FER: variants seen among roughly 807,000 people sequenced by gnomAD.
FER encodes FER tyrosine kinase.
In FER, 63 loss-of-function variants were observed where a neutral mutation model predicts 111.0. The ratio of observed to expected loss-of-function variants is 0.57; its 90% CI spans 0.46 to 0.70. FER has a LOEUF of 0.70. Among genes scored for constraint, FER ranks in the 30% least tolerant of loss-of-function variants. The pLI is 0.00. For synonymous variants in FER, 327 were observed against 313.9 expected, an observed-to-expected ratio of 1.04 and a Z score of -0.44; for missense variants, 914 against 954.0, an observed-to-expected ratio of 0.96 and a Z score of 0.55.
rs116679153 is a variant in FER, at chr5:108,832,440, C to T, written c.208-330C>T. ...GAAGACCATAGTGGGACATTAGAAT[C>T]ATGTGGCAGAGCAGTATTTCAGTGT... On this transcript the variant is annotated intron_variant, in intron 3 of 19. Transcript: ENST00000281092. 5.6e-3 allele frequency among the ~76,000 whole-genome samples: 855 copies of T among 152,188 alleles called. 5 individuals carry two copies. The highest frequency in any genetic ancestry group is 0.01 in the Admixed American group (154 of 15,284).
intron 10 of FER, among the ~76,000 whole-genome samples, chr5:108,919,664 A>G (rs1752774407): frequency 6.6e-6 from 1 of 152,186 alleles, no homozygotes; most frequent in Non-Finnish European, 1.5e-5. Flanking sequence ...AGCCTTTCAG[A>G]CAAGAACATT....
intron 17 of FER, among the ~76,000 whole-genome samples, chr5:109,170,833 G>T (rs114925729): frequency 6.6e-6 from 1 of 152,280 alleles, no homozygotes; most frequent in African/African-American, 2.4e-5. Flanking sequence ...AACATGGAAA[G>T]CTCTTTGCCA....
intron 3 of FER, among the ~76,000 whole-genome samples, chr5:108,809,424 G>C (rs535068880): frequency 1.3e-5 from 2 of 152,150 alleles, no homozygotes; most frequent in Admixed American, 6.5e-5. Context: ...CATAAGCTCT[G>C]ACTGATTTCT....
intron 17 of FER, among the ~76,000 whole-genome samples, chr5:109,117,806 G>A (rs1750436871): frequency 6.6e-6 from 1 of 151,366 alleles, no homozygotes; most frequent in Admixed American, 6.6e-5. Flanking sequence ...TTGGCTCTCT[G>A]TTTGTCTGTT....
At chr5:109,066,227 G>A (rs1775074793) in intron 16 of FER, among the ~76,000 whole-genome samples, 1 of 152,102 alleles carries the variant, frequency 6.6e-6, no homozygotes, top group African/African-American at 2.4e-5. Flanking sequence ...CCAGCAAGTG[G>A]TTGAATCTCT....
chr5:108,772,389 G>A (rs1463527790), intron 2 of FER, among the ~76,000 whole-genome samples: 2 of 114,056 alleles, frequency 1.8e-5, no homozygotes, highest in Non-Finnish European at 3.9e-5. Context: ...CAGGTTTCAT[G>A]TATTGCATTT....
At chr5:109,032,252 G>A (rs1322275595) in intron 13 of FER, among the ~76,000 whole-genome samples, 3 of 152,144 alleles carry the variant, frequency 2.0e-5, no homozygotes, top group Non-Finnish European at 4.4e-5. Context: ...GAGAGCTAAT[G>A]TTGGTGGGAC....
At chr5:108,760,385 A>G (rs1373814487) in intron 1 of FER, among the ~76,000 whole-genome samples, 1 of 152,238 alleles carries the variant, frequency 6.6e-6, no homozygotes, top group African/African-American at 2.4e-5. Context: ...AACAAGAGTC[A>G]GTCTGTCCTT....
At chr5:109,043,459 G>T (rs895559206) in intron 14 of FER, among the ~76,000 whole-genome samples, 4 of 152,012 alleles carry the variant, frequency 2.6e-5, no homozygotes, top group Admixed American at 6.5e-5. Flanking sequence ...TTGACTATTA[G>T]ATTAAATGGT....
At chr5:108,813,091 T>C (rs1221859688) in intron 3 of FER, among the ~76,000 whole-genome samples, 2 of 152,134 alleles carry the variant, frequency 1.3e-5, no homozygotes, top group African/African-American at 2.4e-5. Flanking sequence ...ACATTTCTTA[T>C]AGTGCAAGTC....
chr5:108,854,476 A>G (rs1167428106), intron 5 of FER, among the ~76,000 whole-genome samples: 1 of 152,258 alleles, frequency 6.6e-6, no homozygotes. Context: ...AACCTCAGCT[A>G]AGAACCTGTG....
intron 13 of FER, among the ~76,000 whole-genome samples, chr5:109,021,780 A>G (rs893598183): frequency 6.6e-6 from 1 of 152,128 alleles, no homozygotes; most frequent in Non-Finnish European, 1.5e-5. Context: ...TTTATGAAAC[A>G]TGACGTTGTG....
rs575342884 is a variant in FER, at chr5:109,165,687, G to C, written c.2049-15060G>C. 1.1e-3 allele frequency among the ~76,000 whole-genome samples: 160 copies of C among 151,982 alleles called. 1 individual carries two copies. The highest frequency in any genetic ancestry group is 1.9e-3 in the Non-Finnish European group (129 of 68,010). ...CTCAGTCTTATGTACATATTGAGCA[G>C]AGTTGGGGAAAATCTATGACTATTC... On this transcript the variant is annotated intron_variant, in intron 17 of 19. Transcript: ENST00000281092.
intron 10 of FER, among the ~76,000 whole-genome samples, chr5:108,899,230 A>G (rs953003840): frequency 1.3e-5 from 2 of 151,928 alleles, no homozygotes; most frequent in African/African-American, 4.8e-5. Context: ...GAGCCATATT[A>G]ATCTACACAT....
chr5:109,051,473 A>T (rs959599716), intron 16 of FER: 1 of 1,612,828 alleles, frequency 6.2e-7, no homozygotes, highest in Non-Finnish European at 8.5e-7. Context: ...TGTGCGTGGG[A>T]GTTAGAGATG....
intron 17 of FER, among the ~76,000 whole-genome samples, chr5:109,118,224 G>C (rs969363931): frequency 2.6e-5 from 4 of 152,170 alleles, no homozygotes; most frequent in African/African-American, 9.7e-5. Flanking sequence ...AAGCGTTGTT[G>C]AATTTTGTCA....
intron 5 of FER, among the ~76,000 whole-genome samples, chr5:108,848,478 T>C (rs999476154): frequency 6.6e-6 from 1 of 152,162 alleles, no homozygotes; most frequent in South Asian, 2.1e-4. Flanking sequence ...ATTTGTTAGC[T>C]CTAATGTTTT....
intron 17 of FER, among the ~76,000 whole-genome samples, chr5:109,123,030 A>G (rs1326802009): frequency 3.3e-5 from 5 of 151,292 alleles, no homozygotes; most frequent in East Asian, 1.9e-4. Context: ...CAGCCACTCT[A>G]TACGTTTTGA....
chr5:108,810,671 A>G (rs1249935431), intron 3 of FER, among the ~76,000 whole-genome samples: 1 of 152,190 alleles, frequency 6.6e-6, no homozygotes, highest in African/African-American at 2.4e-5. Context: ...GGGGCAGGTC[A>G]GGTTGCTGAT....
Sources: allele counts gnomAD v4.1 joint callset (sites outside exome capture counted in the v4.1 genomes callset), GRCh38; gene constraint gnomAD v4.1.1; transcripts MANE v1.5; gene names NCBI Gene and HGNC (gene_info 2026-07-23, HGNC 2026-07-21).